Variants in ALDH8A1 observed in about 807,000 individuals in gnomAD.
ALDH8A1 encodes 2-aminomuconic semialdehyde dehydrogenase.
Under a neutral mutation model 43.3 loss-of-function variants are expected in ALDH8A1, and 39 were observed. The observed-to-expected ratio is 0.90, with a 90% CI of 0.70 to 1.18. The LOEUF (loss-of-function observed/expected upper bound fraction) is 1.18, where lower values mean the gene tolerates loss of function less well. ALDH8A1 is among the 50% of genes most tolerant of loss of function. The pLI is 0.00. For missense variants in ALDH8A1, 605 were observed against 622.6 expected (o/e 0.97, Z 0.30); for synonymous variants, 233 against 243.5 (o/e 0.96, Z 0.40).
chr6:134,922,512 C>T (rs931084602), intron 6 of ALDH8A1, among the ~76,000 whole-genome samples: 3 of 151,968 alleles, frequency 2.0e-5, no homozygotes, highest in East Asian at 1.9e-4. Flanking sequence ...CTCAGCCTCC[C>T]GAGTAGCTGG....
intron 2 of ALDH8A1, among the ~76,000 whole-genome samples, chr6:134,942,972 T>C (rs914239330): frequency 2.6e-5 from 4 of 152,186 alleles, no homozygotes; most frequent in Admixed American, 2.6e-4. Context: ...TTTATACACA[T>C]GTAATGTGTA....
intron 4 of ALDH8A1, among the ~76,000 whole-genome samples, chr6:134,938,958 T>G (rs1773799725): frequency 6.6e-6 from 1 of 152,134 alleles, no homozygotes; most frequent in South Asian, 2.1e-4. Context: ...CAACTTAAGA[T>G]TTTAATTGAC....
rs572182839 is a variant in ALDH8A1, at chr6:134,949,862, T to A, written c.138+54A>T. On this transcript the variant is annotated intron_variant, in intron 1 of 6. Coordinates refer to ENST00000265605, the MANE Select transcript of ALDH8A1 (RefSeq NM_022568.4). ...TCTGCTTTTAGAAAACTGTTACCCA[T>A]AATTGGCCAACATATTAAACACATT... 31 of 1,492,138 alleles carry A rather than the reference T, an allele frequency of 2.1e-5. No individual in the cohort carries two copies. In the African/African-American group the frequency reaches 2.9e-4, roughly 14 times the overall value. 92.4% of individuals were successfully genotyped at this position (1,492,138 alleles called of 1,614,324 possible).
Position 134,933,021 on chromosome 6 carries a change from C to G in ALDH8A1, c.604G>C (p.Gly202Arg). The change falls in exon 5 of 7, where the codon GGT becomes CGT. Residue 202 changes from glycine (G) to arginine (R), a missense_variant. By Grantham distance (125) the Gly-to-Arg change is moderately radical. Transcript: ENST00000265605. ...KLLDKAGVPP[G>R]VVNIVFGTGP... ...GTTCCAAACACAATATTGACCACAC[C>G]TGGTGGAACACCTGGATAGGAAACA... is the stretch of plus-strand genomic sequence containing the variant. 1 of 1,572,694 alleles carries G rather than the reference C, an allele frequency of 6.4e-7. No homozygotes were observed. Among genetic ancestry groups the G allele is most frequent in the Non-Finnish European group, 8.6e-7 (1 of 1,160,770 alleles).
intron 3 of ALDH8A1, among the ~76,000 whole-genome samples, chr6:134,940,769 T>C (rs987131155): frequency 6.6e-6 from 1 of 152,258 alleles, no homozygotes. Flanking sequence ...AAGCCTGTGC[T>C]ATGAAAGTAA....
chr6:134,921,489 G>A (rs1776799262), intron 6 of ALDH8A1, among the ~76,000 whole-genome samples: 1 of 152,222 alleles, frequency 6.6e-6, no homozygotes, highest in African/African-American at 2.4e-5. Flanking sequence ...TCCCCTGCAG[G>A]TTACTGAGCA....
At chr6:134,949,882 C>T in intron 1 of ALDH8A1, 34 bp downstream of exon 1, 1 of 1,526,784 alleles carries the variant, frequency 6.5e-7, no homozygotes, top group Admixed American at 2.0e-5. Flanking sequence ...ACATATTAAA[C>T]ACATTTCAGT....
chr6:134,942,178 C>T (rs546481623), intron 3 of ALDH8A1: 1 of 353,876 alleles, frequency 2.8e-6, no homozygotes, highest in Non-Finnish European at 4.9e-6. Flanking sequence ...CGAGATCATG[C>T]CACTGCACTC....
At chr6:134,924,215 C>A (rs1177666281) in intron 6 of ALDH8A1, among the ~76,000 whole-genome samples, 1 of 152,200 alleles carries the variant, frequency 6.6e-6, no homozygotes, top group Non-Finnish European at 1.5e-5. Context: ...CACCTGTATG[C>A]CGGTGCTACC....
At chr6:134,929,883 G>T (rs2114687974) in intron 5 of ALDH8A1, among the ~76,000 whole-genome samples, 1 of 152,290 alleles carries the variant, frequency 6.6e-6, no homozygotes, top group East Asian at 1.9e-4. Context: ...GCCCATTCTG[G>T]CAGCCATGGG....
intron 1 of ALDH8A1, among the ~76,000 whole-genome samples, chr6:134,946,797 C>A (rs554066756): frequency 1.3e-5 from 2 of 150,898 alleles, no homozygotes; most frequent in South Asian, 2.1e-4. Context: ...CGCACAGGTG[C>A]GCATGTGTGC....
chr6:134,936,427 A>T (rs1473374165), intron 4 of ALDH8A1, among the ~76,000 whole-genome samples: 1 of 152,242 alleles, frequency 6.6e-6, no homozygotes, highest in Non-Finnish European at 1.5e-5. Flanking sequence ...CCCCCTCAGT[A>T]GGTGATGCGA....
At position 134,934,529 on chromosome 6, in the gene ALDH8A1, A is replaced by G. The variant is rs539898890; in HGVS notation, c.593-1497T>C. Among the ~76,000 whole-genome samples the G allele has an allele frequency of 7.2e-5, 11 of 152,276 alleles. No homozygotes were observed. In the South Asian group the frequency reaches 2.1e-3, roughly 29 times the overall value. The stretch of plus-strand genomic sequence containing the variant: ...CCGAGGATACGTAGTGAGGGTTTTC[A>G]TGTCCTCTGCTTCACCTTTTGACAT... On this transcript the variant is annotated intron_variant, in intron 4 of 6. Coordinates refer to ENST00000265605, the MANE Select transcript of ALDH8A1 (RefSeq NM_022568.4).
chr6:134,936,385 T>G (rs772477503), intron 4 of ALDH8A1, among the ~76,000 whole-genome samples: 1 of 152,128 alleles, frequency 6.6e-6, no homozygotes, highest in South Asian at 2.1e-4. Flanking sequence ...CAGCTTTGGG[T>G]TGGGGCAAAG....
In ALDH8A1 at chr6:134,942,644, A is replaced by G. The variant is rs1407262938; in HGVS notation, c.287-80T>C. ...TCAGCTTCCACTGCCCACGCGTCCC[A>G]ACTCACACTGAAACAGCCTGGATTC... On this transcript the variant is annotated intron_variant, in intron 2 of 6. Transcript: ENST00000265605. 7 of 1,416,570 alleles carry G rather than the reference A, an allele frequency of 4.9e-6. No individual in the cohort carries two copies. The East Asian group carries it at 1.4e-4, about 29-fold the overall frequency. The allele number at this position is 1,416,570 out of a possible 1,614,324, so 87.8% of individuals were successfully genotyped here.
intron 4 of ALDH8A1, among the ~76,000 whole-genome samples, chr6:134,938,684 G>C (rs1481480997): frequency 6.6e-6 from 1 of 151,914 alleles, no homozygotes; most frequent in African/African-American, 2.4e-5. Context: ...GTCTCACTCT[G>C]TCGCCCAGGC....
At chr6:134,939,763 G>A (rs771853491) in intron 3 of ALDH8A1, among the ~76,000 whole-genome samples, 36 of 152,114 alleles carry the variant, frequency 2.4e-4, no homozygotes, top group Non-Finnish European at 4.4e-4. Flanking sequence ...ACATGCACGC[G>A]TATGTTCATT....
At chr6:134,946,069 G>C (rs1227960672) in intron 1 of ALDH8A1, among the ~76,000 whole-genome samples, 1 of 152,178 alleles carries the variant, frequency 6.6e-6, no homozygotes, top group Non-Finnish European at 1.5e-5. Flanking sequence ...AGCCATGCAG[G>C]ACTGAGTCAA....
At chr6:134,940,264 C>G (rs906919247) in intron 3 of ALDH8A1, 3 of 308,994 alleles carry the variant, frequency 9.7e-6, no homozygotes, top group African/African-American at 6.6e-5. Flanking sequence ...TGTCACCTGT[C>G]ACTAAACAGT....
Sources: gnomAD v4.1 joint callset for allele counts (sites outside exome capture counted in the v4.1 genomes callset) on GRCh38, gnomAD v4.1.1 for gene constraint, MANE v1.5 for transcripts, NCBI Gene and HGNC (gene_info 2026-07-23, HGNC 2026-07-21) for gene names.